ENOSF1: variants seen among roughly 807,000 people sequenced by gnomAD.
ENOSF1 encodes the protein mitochondrial enolase superfamily member 1.
In ENOSF1, 73 loss-of-function variants were observed where a neutral mutation model predicts 68.2. The observed-to-expected ratio is 1.07, with a 90% CI of 0.89 to 1.30. The LOEUF (loss-of-function observed/expected upper bound fraction) is 1.30, where lower values mean the gene tolerates loss of function less well. ENOSF1 is among the 50% of genes most tolerant of loss of function. The pLI is 0.00. For synonymous variants in ENOSF1, 223 were observed against 210.4 expected (o/e 1.06, Z -0.52); for missense variants, 589 against 554.5 (o/e 1.06, Z -0.62).
chr18:681,042 A>G (rs756684643), intron 11 of ENOSF1, among the ~76,000 whole-genome samples: 2 of 152,082 alleles, frequency 1.3e-5, no homozygotes, highest in African/African-American at 2.4e-5. Context: ...TTGTATTTTT[A>G]GTAGAGACGA....
rs185063965 is a variant in ENOSF1 at position 707,130 on chromosome 18, A to G, written c.85-552T>C. Among the ~76,000 whole-genome samples, 307 of 152,204 alleles carry G rather than the reference A, an allele frequency of 2.0e-3. 1 individual carries two copies. The highest frequency in any genetic ancestry group is 3.5e-3 in the Non-Finnish European group (236 of 68,020). On this transcript the variant is annotated intron_variant, in intron 1 of 15. Coordinates refer to ENST00000647584, the MANE Select transcript of ENOSF1 (RefSeq NM_017512.7). ...CACCGCACCTGGTCGCAATGTATAC[A>G]TTTTTATCACCCATTTTCAATTAGG...
chr18:679,856 A>G (rs1434009914), intron 11 of ENOSF1, among the ~76,000 whole-genome samples: 1 of 152,134 alleles, frequency 6.6e-6, no homozygotes, highest in Non-Finnish European at 1.5e-5. Flanking sequence ...CCCTTTGCTT[A>G]GGGTAATAGT....
downstream of ENOSF1, chr18:668,921 C>T: frequency 1.7e-6 from 1 of 592,722 alleles, no homozygotes; most frequent in South Asian, 2.5e-5. Context: ...CCACCGAGAT[C>T]TGCAAACTTT....
chr18:689,483 T>G (rs2076939802), intron 8 of ENOSF1, among the ~76,000 whole-genome samples: 1 of 152,120 alleles, frequency 6.6e-6, no homozygotes, highest in Admixed American at 6.6e-5. Context: ...GGTTTCACCA[T>G]GTTGGCCAGG....
At chr18:704,764 G>A (rs958673425) in intron 2 of ENOSF1, among the ~76,000 whole-genome samples, 1 of 151,800 alleles carries the variant, frequency 6.6e-6, no homozygotes, top group Non-Finnish European at 1.5e-5. Context: ...CATCACCACG[G>A]CCAGGTAATT....
intron 2 of ENOSF1, among the ~76,000 whole-genome samples, chr18:703,985 C>T (rs1015031356): frequency 1.4e-4 from 22 of 152,178 alleles, no homozygotes; most frequent in African/African-American, 5.3e-4. Flanking sequence ...GCCTGCTCCC[C>T]CTTCACCTTC....
chr18:709,240 G>GTC (rs1311403348), intron 1 of ENOSF1, among the ~76,000 whole-genome samples: 1 of 152,144 alleles, frequency 6.6e-6, no homozygotes, highest in Non-Finnish European at 1.5e-5. Flanking sequence ...TGCGGAGAGG[G>GTC]TCTTCATGGG....
chr18:669,172 A>T (rs2074927490), downstream of ENOSF1: 6 of 1,613,882 alleles, frequency 3.7e-6, no homozygotes, highest in Non-Finnish European at 4.2e-6. Context: ...GGAATCCAAG[A>T]GGTTGAAAGA....
intron 1 of ENOSF1, among the ~76,000 whole-genome samples, chr18:708,800 AG>A (rs1337829463): frequency 6.6e-6 from 1 of 152,034 alleles, no homozygotes; most frequent in African/African-American, 2.4e-5. Context: ...GAAGAGGGAG[AG>A]ACTGGAGTGT....
chr18:711,281 A>T (rs902195351), intron 1 of ENOSF1, among the ~76,000 whole-genome samples: 4 of 152,256 alleles, frequency 2.6e-5, no homozygotes, highest in African/African-American at 9.6e-5. Context: ...TAATAACTTT[A>T]ACGAGAGATC....
chr18:686,087 C>A, intron 9 of ENOSF1, 79 bp from the exon 10 acceptor site: 2 of 958,820 alleles, frequency 2.1e-6, no homozygotes, highest in Non-Finnish European at 3.4e-6. Context: ...GCAGAAGTGA[C>A]CGTCTCTGTC....
Position 685,998 on chromosome 18 carries a change from T to C in ENOSF1, c.664A>G (p.Lys222Glu), listed in dbSNP as rs1200171000. The C allele has an allele frequency of 6.2e-7, 1 of 1,613,996 alleles. No individual in the cohort carries two copies. Among genetic ancestry groups the C allele is most frequent in the South Asian group, 1.1e-5 (1 of 91,080 alleles). Residue 222 changes from lysine to glutamate, a missense_variant, in exon 10 of 16, where the codon AAG becomes GAG. Coordinates refer to ENST00000647584, the MANE Select transcript of ENOSF1 (RefSeq NM_017512.7). The part of the protein sequence containing the change: ...LKDGWTRFKV[K>E]VGADLQDDMR... ...TCATCCTGGAGATCAGCACCCACCT[T>C]TACTTTAAACCTAGAAAATGCATTT...
At position 674,273 on chromosome 18, in the gene ENOSF1, T is replaced by A; in HGVS notation, c.*32A>T. Reference sequence around the variant, plus strand: ...CCAAGAAATTTTAAGCCCTTTCACTTCAGAAAGAAAAAAGTTGTTGGGGCT... The same window carrying A: ...CCAAGAAATTTTAAGCCCTTTCACTACAGAAAGAAAAAAGTTGTTGGGGCT... On this transcript the variant is annotated 3_prime_UTR_variant, in exon 16 of 16. Transcript: ENST00000647584. 6.8e-7 allele frequency: 1 copy of A among 1,477,944 alleles called. No homozygotes were observed. The allele number at this position is 1,477,944 out of a possible 1,614,324, so 91.6% of individuals were successfully genotyped here. A position where few individuals can be genotyped will look rare whatever the true frequency, so the allele number is the denominator to read the frequency against.
At chr18:675,767 GA>G (rs2075436122) in intron 14 of ENOSF1, among the ~76,000 whole-genome samples, 1 of 152,180 alleles carries the variant, frequency 6.6e-6, no homozygotes, top group Admixed American at 6.5e-5. Flanking sequence ...TATTTTTCAA[GA>G]AGCGTTTGTA....
chr18:695,677 C>A (rs1934045904), intron 3 of ENOSF1, among the ~76,000 whole-genome samples: 1 of 152,044 alleles, frequency 6.6e-6, no homozygotes, highest in Admixed American at 6.6e-5. Flanking sequence ...GAACTCCTGG[C>A]CTTAAGTGAT....
In ENOSF1 at chr18:678,682, G is replaced by T. The variant is rs1568021279; in HGVS notation, c.918+14C>A. The T allele has an allele frequency of 6.2e-7, 1 of 1,613,526 alleles. No homozygotes were observed. Among genetic ancestry groups the T allele is most frequent in the Non-Finnish European group, 8.5e-7 (1 of 1,179,876 alleles). ...CCAAGGGGACGTCATCCACCTGTTG[G>T]GGGCGTCACTCACCTGTTCTCCTGT... On this transcript the variant is annotated intron_variant, in intron 12 of 15. Coordinates refer to ENST00000647584, the MANE Select transcript of ENOSF1 (RefSeq NM_017512.7).
chr18:667,034 GAGA>G (rs1158544788), downstream of ENOSF1, among the ~76,000 whole-genome samples: 3 of 18,838 alleles, frequency 1.6e-4, no homozygotes, highest in East Asian at 1.4e-3. Flanking sequence ...GATGGTGATG[GAGA>G]TGGTGATGGT....
Position 671,819 on chromosome 18 carries a change from C to T in ENOSF1, c.*2486G>A, listed in dbSNP as rs1312949691. ...TTGAGATGGAGTCTTTCTCTGTCGG[C>T]CAGGCTGGAGTGTGCCGTGGTGCGA... On this transcript the variant is annotated 3_prime_UTR_variant, in exon 16 of 16. Transcript: ENST00000647584. 11 of 250,418 alleles carry T rather than the reference C, an allele frequency of 4.4e-5. No individual in the cohort carries two copies. Among genetic ancestry groups the T allele is most frequent in the Non-Finnish European group, 8.5e-5 (11 of 129,920 alleles). 15.5% of individuals were successfully genotyped at this position (250,418 alleles called of 1,614,324 possible).
Position 671,386 on chromosome 18 carries a change from G to A in ENOSF1, c.*2919C>T. The A allele has an allele frequency of 1.9e-6, 3 of 1,610,126 alleles. No homozygotes were observed. The highest frequency in any genetic ancestry group is 2.6e-6 in the Non-Finnish European group (3 of 1,176,432). ...TTCTCCCCCGGGTTTATAGCCAGGT[G>A]ACTTTATACACACTTTGGGAGATGC... On this transcript the variant is annotated 3_prime_UTR_variant, in exon 16 of 16. Transcript: ENST00000647584.
Sources: gnomAD v4.1 joint callset for allele counts (sites outside exome capture counted in the v4.1 genomes callset) on GRCh38, gnomAD v4.1.1 for gene constraint, MANE v1.5 for transcripts, NCBI Gene and HGNC (gene_info 2026-07-23, HGNC 2026-07-21) for gene names.